The following PTGES variants were observed in gnomAD, a reference collection of about 807,000 sequenced individuals.
PTGES encodes the protein prostaglandin E synthase.
A neutral mutation model predicts 11.8 loss-of-function variants in PTGES; 3 were observed. The observed-to-expected ratio is 0.25, with a 90% CI of 0.12 to 0.66. PTGES has a LOEUF of 0.66. Ranked by LOEUF, PTGES falls within the 30% of genes least tolerant of loss-of-function variation. The probability of loss-of-function intolerance (pLI) is 0.82; values close to 1 mark genes in which losing one functional copy is unlikely to be tolerated. For synonymous variants in PTGES, 94 were observed against 90.4 expected (o/e 1.04, Z -0.22); for missense variants, 180 against 213.0 (o/e 0.85, Z 0.96).
rs1238452589 is a variant in PTGES, at chr9:129,745,700, G to T, written c.209+2955C>A. On this transcript the variant is annotated intron_variant, in intron 2 of 2. Transcript: ENST00000340607. This position sits in a 1 kb window ranked among gnomAD's most constrained non-coding sequence, Gnocchi z 4.2. The stretch of plus-strand genomic sequence containing the variant: ...AGACGCACTCAGAAAGTGCTGAAAT[G>T]AATTTCTACCATTTAAACCCCAGTA... Among the ~76,000 whole-genome samples the T allele has an allele frequency of 6.6e-6, 1 of 152,140 alleles. No individual in the cohort carries two copies. The highest frequency in any genetic ancestry group is 1.5e-5 in the Non-Finnish European group (1 of 68,022).
At chr9:129,742,745 G>A (rs553724900) in intron 2 of PTGES, among the ~76,000 whole-genome samples, 3 of 151,856 alleles carry the variant, frequency 2.0e-5, no homozygotes, top group African/African-American at 4.8e-5. Context: ...GGTGGCAGGC[G>A]CCTGTAGTCC....
rs148212761 is a variant in PTGES, at chr9:129,748,672, G to A, written c.192C>T (p.Asp64=). The change falls in exon 2 of 3, where the codon GAC becomes GAT. Residue 64 remains aspartate (D), a synonymous_variant. Coordinates refer to ENST00000340607, the MANE Select transcript of PTGES (RefSeq NM_004878.5). ...GGPQYCRSDP[D]VERCLRAHRN... is the part of the protein sequence containing the mutation. ...GTACTTGCCTGAGGCAGCGTTCCAC[G>A]TCGGGGTCGCTCCTGCAATACTGGG... 389 of 1,579,712 alleles carry A rather than the reference G, an allele frequency of 2.5e-4. 1 individual carries two copies. In the African/African-American group the frequency reaches 4.7e-3, roughly 19 times the overall value.
At position 129,739,848 on chromosome 9, in the gene PTGES, G is replaced by A. The variant is rs200924207; in HGVS notation, c.222C>T (p.Asn74=). 4.0e-5 allele frequency: 63 copies of A among 1,568,222 alleles called. No individual in the cohort carries two copies. The highest frequency in any genetic ancestry group is 2.5e-4 in the Admixed American group (13 of 53,044). ...GGAAGGGGTAGATGGTCTCCATGTC[G>A]TTCCGGTGGGCCCTGGGGAGACAAG... is the stretch of plus-strand genomic sequence containing the variant. The part of the protein sequence containing the change: ...DVERCLRAHR[N]DMETIYPFLF... Residue 74 remains asparagine (N), a synonymous_variant, in exon 3 of 3, where the codon AAC becomes AAT. Coordinates refer to ENST00000340607, the MANE Select transcript of PTGES (RefSeq NM_004878.5). The surrounding 1 kb of genome is among the most constrained non-coding windows in gnomAD (Gnocchi z 5.7).
intron 2 of PTGES, 81 bp downstream of exon 2, chr9:129,748,574 C>A: frequency 8.3e-7 from 1 of 1,201,236 alleles, no homozygotes; most frequent in Non-Finnish European, 1.1e-6. Flanking sequence ...GGGAGTCCTC[C>A]AAGTCCCCTG....
At chr9:129,748,591 G>A (rs1588188175) in intron 2 of PTGES, 64 bp downstream of exon 2, 1 of 1,358,234 alleles carries the variant, frequency 7.4e-7, no homozygotes, top group Non-Finnish European at 9.9e-7. Flanking sequence ...CCTGTGTGCA[G>A]AAGAAGTTCT....
chr9:129,748,653 G>C lies in PTGES; in HGVS notation c.209+2C>G. ...GCCAGGCCAGGGGCCCGAAGTACTT[G>C]CCTGAGGCAGCGTTCCACGTCGGGG... On this transcript the variant is annotated splice_donor_variant, in intron 2 of 2. Transcript: ENST00000340607. LOFTEE classifies it high-confidence loss of function. The C allele has an allele frequency of 6.4e-7, 1 of 1,573,922 alleles. No homozygotes were observed. The highest frequency in any genetic ancestry group is 8.6e-7 in the Non-Finnish European group (1 of 1,165,368).
intron 2 of PTGES, among the ~76,000 whole-genome samples, chr9:129,747,914 G>A (rs1220495921): frequency 6.7e-6 from 1 of 150,340 alleles, no homozygotes; most frequent in Non-Finnish European, 1.5e-5. Context: ...GGAGGCTGAG[G>A]CAGGAGAATC....
intron 2 of PTGES, among the ~76,000 whole-genome samples, chr9:129,740,538 T>C (rs972713674): frequency 1.4e-4 from 22 of 152,308 alleles, no homozygotes; most frequent in African/African-American, 3.1e-4. Flanking sequence ...CAGCCCCCGG[T>C]GAAGCTCTTC....
Position 129,745,926 on chromosome 9 carries a change from C to T in PTGES, c.209+2729G>A, listed in dbSNP as rs1266351581. 6.6e-6 allele frequency among the ~76,000 whole-genome samples: 1 copy of T among 151,466 alleles called. No homozygotes were observed. The highest frequency in any genetic ancestry group is 1.5e-5 in the Non-Finnish European group (1 of 67,930). On this transcript the variant is annotated intron_variant, in intron 2 of 2. Transcript: ENST00000340607. This position sits in a 1 kb window ranked among gnomAD's most constrained non-coding sequence, Gnocchi z 4.2. ...ACAGGTGCCTGTAATCCCAGCTACT[C>T]GGGAGGCTGAGGCAGGGGAATTGCT...
At chr9:129,742,183 T>G (rs10819562) in intron 2 of PTGES, among the ~76,000 whole-genome samples, 10,903 of 151,220 alleles carry the variant, frequency 0.072, 470 homozygotes, top group East Asian at 0.19. Context: ...AAATTAGCTG[T>G]ACATGGTGGT....
At chr9:129,752,284 C>T (rs937480220) in intron 1 of PTGES, among the ~76,000 whole-genome samples, 1 of 152,228 alleles carries the variant, frequency 6.6e-6, no homozygotes, top group African/African-American at 2.4e-5. Flanking sequence ...TTTGCAGACT[C>T]GCCAACCAGT....
At chr9:129,751,386 A>G (rs1833106216) in intron 1 of PTGES, among the ~76,000 whole-genome samples, 1 of 151,302 alleles carries the variant, frequency 6.6e-6, no homozygotes, top group South Asian at 2.1e-4. Flanking sequence ...GCTGGTAAGA[A>G]CCCAGGCCTC....
At chr9:129,752,798 G>A (rs1290510631) in intron 1 of PTGES, 89 bp downstream of exon 1, 2 of 1,598,396 alleles carry the variant, frequency 1.3e-6, no homozygotes, top group African/African-American at 2.7e-5. Context: ...ACACACCTTG[G>A]CCATGTTTCC....
In PTGES at chr9:129,738,412, C is replaced by G. The variant is rs199906204; in HGVS notation, c.*1199G>C. 1 of 6,530 alleles carries G rather than the reference C, an allele frequency of 1.5e-4. No individual in the cohort carries two copies. The highest frequency in any genetic ancestry group is 3.6e-4 in the African/African-American group (1 of 2,786). 0.4% of individuals were successfully genotyped at this position (6,530 alleles called of 1,614,324 possible). ...CTCAGGTCACGGGTCTAGGAGAAAACACACACACACACACACACACACACA... is the reference window on the plus strand; with the variant it reads ...CTCAGGTCACGGGTCTAGGAGAAAAGACACACACACACACACACACACACA... On this transcript the variant is annotated 3_prime_UTR_variant, in exon 3 of 3. Transcript: ENST00000340607. This position sits in a 1 kb window ranked among gnomAD's most constrained non-coding sequence, Gnocchi z 4.2.
At chr9:129,752,777 C>A in intron 1 of PTGES, 110 bp downstream of exon 1, 1 of 1,550,356 alleles carries the variant, frequency 6.5e-7, no homozygotes, top group Non-Finnish European at 8.8e-7. Flanking sequence ...GTGCTCACCT[C>A]CCAGCCCTGC....
intron 1 of PTGES, among the ~76,000 whole-genome samples, chr9:129,750,828 G>A (rs938938695): frequency 6.6e-6 from 1 of 152,212 alleles, no homozygotes; most frequent in African/African-American, 2.4e-5. Context: ...GGGTGGAGGA[G>A]CCAGGGCCTG....
Position 129,739,910 on chromosome 9 carries a change from T to C in PTGES, c.210-50A>G. The stretch of plus-strand genomic sequence containing the variant: ...CAGCCAGGTATTAGCTTTGGGGCCA[T>C]AGGCCCTTTTGAGAGTGTCATGGAA... On this transcript the variant is annotated intron_variant, in intron 2 of 2. Coordinates refer to ENST00000340607, the MANE Select transcript of PTGES (RefSeq NM_004878.5). This position sits in a 1 kb window ranked among gnomAD's most constrained non-coding sequence, Gnocchi z 5.7. 2.0e-6 allele frequency: 3 copies of C among 1,530,450 alleles called. No homozygotes were observed. The highest frequency in any genetic ancestry group is 2.6e-6 in the Non-Finnish European group (3 of 1,135,188). The allele number at this position is 1,530,450 out of a possible 1,614,324, so 94.8% of individuals were successfully genotyped here.
intron 2 of PTGES, among the ~76,000 whole-genome samples, chr9:129,747,638 T>C (rs1833060146): frequency 1.3e-5 from 2 of 152,058 alleles, no homozygotes; most frequent in South Asian, 4.1e-4. Context: ...GATGGAAAAA[T>C]GGCTCCCACA....
rs1301435787 is a variant in PTGES at position 129,745,884 on chromosome 9, A to C, written c.209+2771T>G. ...GTCTCTACTAAAAAAAAAATACAAA[A>C]ATTAGCTGGCGTGGTCACAGGTGCC... On this transcript the variant is annotated intron_variant, in intron 2 of 2. Transcript: ENST00000340607. This position sits in a 1 kb window ranked among gnomAD's most constrained non-coding sequence, Gnocchi z 4.2. Among the ~76,000 whole-genome samples the C allele has an allele frequency of 6.6e-6, 1 of 151,846 alleles. No homozygotes were observed. The highest frequency in any genetic ancestry group is 1.5e-5 in the Non-Finnish European group (1 of 67,950).
Sources: allele counts gnomAD v4.1 joint callset (sites outside exome capture counted in the v4.1 genomes callset), GRCh38; gene constraint gnomAD v4.1.1; non-coding constraint Gnocchi (gnomAD v3.1); transcripts MANE v1.5; gene names NCBI Gene and HGNC (gene_info 2026-07-23, HGNC 2026-07-21).